Variants in IFNAR1 observed in about 807,000 individuals in gnomAD.
IFNAR1 encodes interferon alpha/beta receptor 1.
In IFNAR1, 47 loss-of-function variants were observed where a neutral mutation model predicts 62.1. The ratio of observed to expected loss-of-function variants is 0.76; its 90% CI spans 0.60 to 0.97. The LOEUF is 0.97. Among genes scored for constraint, IFNAR1 ranks in the 50% least tolerant of loss-of-function variants. The probability of loss-of-function intolerance (pLI) is 0.00; values close to 1 mark genes in which losing one functional copy is unlikely to be tolerated. For missense variants in IFNAR1, 638 were observed against 654.5 expected (o/e 0.97, Z 0.27); for synonymous variants, 219 against 226.9 (o/e 0.97, Z 0.31).
chr21:33,333,384 C>G (rs970049071), intron 1 of IFNAR1, among the ~76,000 whole-genome samples: 8 of 152,062 alleles, frequency 5.3e-5, no homozygotes, highest in African/African-American at 1.9e-4. Context: ...ATCTTGAAAA[C>G]ATGGAAAAGT....
rs956472493 is a variant in IFNAR1 at position 33,357,077 on chromosome 21, A to G, written c.*1528A>G. 1.3e-5 allele frequency: 2 copies of G among 152,202 alleles called. No individual in the cohort carries two copies. Among genetic ancestry groups the G allele is most frequent in the African/African-American group, 4.8e-5 (2 of 41,442 alleles). 9.4% of individuals were successfully genotyped at this position (152,202 alleles called of 1,614,324 possible). A position where few individuals can be genotyped will look rare whatever the true frequency, so the allele number is the denominator to read the frequency against. ...CAAAGGCACCTACAACTTAGTTTTA[A>G]ATTACTTGCTACTGGGGATTACCCA... On this transcript the variant is annotated 3_prime_UTR_variant, in exon 11 of 11. Transcript: ENST00000270139.
chr21:33,355,516 AAC>A lies in IFNAR1; in HGVS notation c.1643_1644del (p.Thr548LysfsTer2). ...CTAATGAAGATGAAAGCGAAAGTAA[AAC>A]AAGTGAAGAACTACAGCAGGACTTT... ...YSNEDESESK[T>X]SEELQQDFV On this transcript the variant is annotated frameshift_variant, in exon 11 of 11. Transcript: ENST00000270139. LOFTEE classifies it high-confidence loss of function. 1.3e-6 allele frequency: 2 copies of A among 1,599,984 alleles called. No homozygotes were observed. The highest frequency in any genetic ancestry group is 1.7e-6 in the Non-Finnish European group (2 of 1,174,794).
At chr21:33,324,947 G>A, upstream of IFNAR1, 2 of 912,026 alleles carry the variant, frequency 2.2e-6, no homozygotes, top group Admixed American at 2.1e-5. Flanking sequence ...GAGCTAAGAG[G>A]GGCAGCGCGT....
At chr21:33,349,597 G>T in intron 8 of IFNAR1, 54 bp downstream of exon 8, 1 of 1,300,148 alleles carries the variant, frequency 7.7e-7, no homozygotes, top group Non-Finnish European at 1.1e-6. Context: ...TTATGATTTG[G>T]GTAAATAAAG....
At chr21:33,332,019 T>C (rs2083186332) in intron 1 of IFNAR1, among the ~76,000 whole-genome samples, 2 of 151,960 alleles carry the variant, frequency 1.3e-5, no homozygotes, top group African/African-American at 4.8e-5. Flanking sequence ...TCTCAGTAGG[T>C]TTGTGAGATC....
upstream of IFNAR1, chr21:33,324,886 A>T (rs2083108089): frequency 2.5e-5 from 8 of 322,370 alleles, no homozygotes; most frequent in Admixed American, 5.5e-5. Context: ...GCGTGCGCGG[A>T]GGGGCGGTGT....
intron 2 of IFNAR1, 116 bp from the exon 3 acceptor site, chr21:33,340,883 C>A: frequency 1.5e-6 from 1 of 662,814 alleles, no homozygotes. Context: ...AGAAATAACT[C>A]TTAAACAAGA....
At chr21:33,336,809 G>A (rs2083241912) in intron 2 of IFNAR1, among the ~76,000 whole-genome samples, 1 of 146,444 alleles carries the variant, frequency 6.8e-6, no homozygotes, top group Non-Finnish European at 1.5e-5. Flanking sequence ...GGAGTGCAGT[G>A]GCACAATCTT....
rs149008896 is a variant in IFNAR1 at position 33,330,379 on chromosome 21, G to A, written c.77-5145G>A. On this transcript the variant is annotated intron_variant, in intron 1 of 10. Coordinates refer to ENST00000270139, the MANE Select transcript of IFNAR1 (RefSeq NM_000629.3). ...TTTTTCTCTTTCACTTTTGGGAGCC[G>A]GATATTAAAGACTAGGACATTTAAA... Among the ~76,000 whole-genome samples the A allele has an allele frequency of 2.2e-3, 332 of 152,198 alleles. 1 individual carries two copies. Among genetic ancestry groups the A allele is most frequent in the African/African-American group, 7.4e-3 (308 of 41,512 alleles).
chr21:33,355,342 T>G lies in IFNAR1; in HGVS notation c.1467T>G (p.Asn489Lys). The G allele has an allele frequency of 6.3e-7, 1 of 1,580,608 alleles. No homozygotes were observed. Among genetic ancestry groups the G allele is most frequent in the East Asian group, 2.3e-5 (1 of 44,288 alleles). Residue 489 changes from asparagine (N) to lysine (K), a missense_variant, in exon 11 of 11, where the codon AAT becomes AAG. Physicochemically the swap from Asn to Lys is moderately conservative, Grantham distance 94. Transcript: ENST00000270139. ...DEYFSEQPLK[N>K]LLLSTSEEQI... ...ATTTCTCTGAACAGCCATTGAAGAA[T>G]CTTCTGCTTTCAACTTCTGAGGAAC... is the stretch of plus-strand genomic sequence containing the variant.
At chr21:33,332,535 A>G (rs2083191012) in intron 1 of IFNAR1, among the ~76,000 whole-genome samples, 1 of 152,242 alleles carries the variant, frequency 6.6e-6, no homozygotes, top group Non-Finnish European at 1.5e-5. Flanking sequence ...CAATGAAAAG[A>G]AGATCAACAA....
intron 8 of IFNAR1, among the ~76,000 whole-genome samples, chr21:33,351,169 C>G (rs2083393486): frequency 6.6e-6 from 1 of 152,254 alleles, no homozygotes; most frequent in South Asian, 2.1e-4. Context: ...AGTCATTCTT[C>G]AAAACAACCC....
chr21:33,350,436 T>G (rs1461967272), intron 8 of IFNAR1, among the ~76,000 whole-genome samples: 1 of 152,010 alleles, frequency 6.6e-6, no homozygotes, highest in Non-Finnish European at 1.5e-5. Context: ...CCCAACAAAA[T>G]CTTATTCCTT....
rs774314558 is a variant in IFNAR1 at position 33,341,028 on chromosome 21, C to G, written c.230C>G (p.Ser77Cys). The G allele has an allele frequency of 3.1e-6, 5 of 1,610,902 alleles. No homozygotes were observed. Among genetic ancestry groups the G allele is most frequent in the Non-Finnish European group, 3.4e-6 (4 of 1,177,824 alleles). ...GGGATGGATAATTGGATAAAATTGT[C>G]TGGGTGTCAGAATATTACTAGTACC... ...KTGMDNWIKL[S>C]GCQNITSTKC... The change falls in exon 3 of 11, where the codon TCT becomes TGT. Residue 77 changes from serine (S) to cysteine (C), a missense_variant. Ser to Cys is a moderately radical substitution (Grantham distance 112, BLOSUM62 -1). Transcript: ENST00000270139.
rs949990564 is a variant in IFNAR1 at position 33,355,813 on chromosome 21, C to G, written c.*264C>G. ...CAGGCAGATCATGAGGTCAAGAGAT[C>G]GAGACCAGCCTGGCCAACGTGGTGA... On this transcript the variant is annotated 3_prime_UTR_variant, in exon 11 of 11. Transcript: ENST00000270139. The G allele has an allele frequency of 5.3e-6, 1 of 187,620 alleles. No homozygotes were observed. The highest frequency in any genetic ancestry group is 1.4e-4 in the South Asian group (1 of 7,218). 11.6% of individuals were successfully genotyped at this position (187,620 alleles called of 1,614,324 possible).
chr21:33,352,567 C>T lies in IFNAR1; in HGVS notation c.1144-191C>T, dbSNP rs144208924. ...GCAGTGAGCCCAGATTGCACCACTG[C>T]ACTCTAGCCTGGGTGACAGAGCGAG... On this transcript the variant is annotated intron_variant, in intron 8 of 10. Coordinates refer to ENST00000270139, the MANE Select transcript of IFNAR1 (RefSeq NM_000629.3). Among the ~76,000 whole-genome samples, 674 of 152,204 alleles carry T rather than the reference C, an allele frequency of 4.4e-3. 4 individuals are homozygous for T. Among genetic ancestry groups the T allele is most frequent in the Non-Finnish European group, 6.3e-3 (427 of 68,018 alleles).
Position 33,359,859 on chromosome 21 carries a change from C to G in IFNAR1, c.*4310C>G, listed in dbSNP as rs1843464784. ...CTTAGTAATAACAAAATACCAGTAACTTCCAGTTGTTTCTCACTACCTTTT... is the reference window on the plus strand; with the variant it reads ...CTTAGTAATAACAAAATACCAGTAAGTTCCAGTTGTTTCTCACTACCTTTT... On this transcript the variant is annotated 3_prime_UTR_variant, in exon 11 of 11. Transcript: ENST00000270139. The G allele has an allele frequency of 6.6e-6, 1 of 152,158 alleles. No individual in the cohort carries two copies. Among genetic ancestry groups the G allele is most frequent in the Admixed American group, 6.5e-5 (1 of 15,276 alleles). 9.4% of individuals were successfully genotyped at this position (152,158 alleles called of 1,614,324 possible).
chr21:33,348,064 T>G (rs894465230), intron 6 of IFNAR1, among the ~76,000 whole-genome samples: 1 of 152,122 alleles, frequency 6.6e-6, no homozygotes, highest in Non-Finnish European at 1.5e-5. Context: ...AGGAAACCAG[T>G]CAGGAGGCTA....
intron 4 of IFNAR1, 34 bp downstream of exon 4, chr21:33,343,456 T>G (rs772379603): frequency 3.8e-6 from 6 of 1,589,692 alleles, no homozygotes; most frequent in Non-Finnish European, 5.2e-6. Flanking sequence ...TTAATCGATG[T>G]GAGAGAAAAA....
Sources: gnomAD v4.1 joint callset for allele counts (sites outside exome capture counted in the v4.1 genomes callset) on GRCh38, gnomAD v4.1.1 for gene constraint, MANE v1.5 for transcripts, NCBI Gene and HGNC (gene_info 2026-07-23, HGNC 2026-07-21) for gene names.